GAB2: variants seen among roughly 807,000 people sequenced by gnomAD.
GAB2 encodes the protein GRB2-associated-binding protein 2.
GAB2 carries 26 observed loss-of-function variants against 65.5 expected under a neutral mutation model. That is an observed-to-expected ratio of 0.40 (90% confidence interval 0.29 to 0.55). The LOEUF is 0.55. GAB2 is among the 20% of genes least tolerant of loss of function. The pLI is 0.53. For synonymous variants in GAB2, 321 were observed against 329.6 expected (o/e 0.97, Z 0.28); for missense variants, 884 against 875.8 (o/e 1.01, Z -0.12).
intron 1 of GAB2, among the ~76,000 whole-genome samples, chr11:78,395,367 T>A (rs1856883745): frequency 6.6e-6 from 1 of 152,286 alleles, no homozygotes; most frequent in Non-Finnish European, 1.5e-5. Flanking sequence ...GGCAGGGGAA[T>A]CACTTGAACC....
chr11:78,321,904 CAATA>C (rs1297290945), intron 1 of GAB2, among the ~76,000 whole-genome samples: 1 of 151,446 alleles, frequency 6.6e-6, no homozygotes, highest in Non-Finnish European at 1.5e-5. Flanking sequence ...TAAGACTCTT[CAATA>C]AATAGTGCTG....
At chr11:78,252,255 C>G (rs575886640) in intron 2 of GAB2, among the ~76,000 whole-genome samples, 1 of 152,252 alleles carries the variant, frequency 6.6e-6, no homozygotes, top group African/African-American at 2.4e-5. Context: ...ACAGAAAAAG[C>G]TGATGGGCCT....
At chr11:78,242,656 T>G (rs771534421) in intron 3 of GAB2, among the ~76,000 whole-genome samples, 2 of 151,304 alleles carry the variant, frequency 1.3e-5, no homozygotes, top group Admixed American at 1.3e-4. Flanking sequence ...AGTAGAAAAT[T>G]TTCAAATAAA....
chr11:78,283,658 A>G (rs1470267113), intron 1 of GAB2, among the ~76,000 whole-genome samples: 1 of 152,098 alleles, frequency 6.6e-6, no homozygotes, highest in East Asian at 1.9e-4. Context: ...CAGTGCTGAT[A>G]AATCAACTCA....
intron 1 of GAB2, among the ~76,000 whole-genome samples, chr11:78,336,617 C>T (rs1856008041): frequency 6.6e-6 from 1 of 151,630 alleles, no homozygotes; most frequent in African/African-American, 2.4e-5. Flanking sequence ...TGGTAAAGTG[C>T]TTTGTTTTAT....
At chr11:78,345,157 A>G (rs763113923) in intron 1 of GAB2, among the ~76,000 whole-genome samples, 1 of 152,140 alleles carries the variant, frequency 6.6e-6, no homozygotes, top group African/African-American at 2.4e-5. Context: ...GCACGCACCT[A>G]TAGTCCCAGC....
intron 1 of GAB2, among the ~76,000 whole-genome samples, chr11:78,397,070 T>G (rs1478771236): frequency 1.3e-5 from 2 of 152,234 alleles, no homozygotes; most frequent in Non-Finnish European, 2.9e-5. Context: ...TTATTAATAT[T>G]ATTTTTGTGA....
At chr11:78,332,119 G>A (rs528834711) in intron 1 of GAB2, among the ~76,000 whole-genome samples, 36 of 152,292 alleles carry the variant, frequency 2.4e-4, no homozygotes, top group Non-Finnish European at 4.6e-4. Context: ...CTCCAAAACT[G>A]CTGACTTGAT....
intron 2 of GAB2, among the ~76,000 whole-genome samples, chr11:78,265,203 C>CATAT (rs10530509): frequency 0.013 from 1,923 of 144,850 alleles, 38 homozygotes; most frequent in African/African-American, 0.043. Context: ...TTCTATACCA[C>CATAT]ATATATATAT....
At chr11:78,348,629 A>T (rs1422654604) in intron 1 of GAB2, among the ~76,000 whole-genome samples, 1 of 152,212 alleles carries the variant, frequency 6.6e-6, no homozygotes, top group Non-Finnish European at 1.5e-5. Flanking sequence ...AATCACATAC[A>T]CTGTTGATAG....
chr11:78,410,314 G>A (rs1025427718), intron 1 of GAB2, among the ~76,000 whole-genome samples: 1 of 152,202 alleles, frequency 6.6e-6, no homozygotes, highest in African/African-American at 2.4e-5. Context: ...GACCAGCCTG[G>A]CCAATATGGT....
At position 78,342,990 on chromosome 11, in the gene GAB2, A is replaced by C. The variant is rs999152483; in HGVS notation, c.76-62089T>G. Among the ~76,000 whole-genome samples the C allele has an allele frequency of 2.0e-5, 3 of 152,158 alleles. No individual in the cohort carries two copies. In the East Asian group the frequency reaches 5.8e-4, roughly 29 times the overall value. Reference sequence around the variant, plus strand: ...ATTCAGAAAAGAGGCCAAATTTTCCACAGAAGCTGAGATACAAGACCCACA... The same window carrying C: ...ATTCAGAAAAGAGGCCAAATTTTCCCCAGAAGCTGAGATACAAGACCCACA... On this transcript the variant is annotated intron_variant, in intron 1 of 9. Transcript: ENST00000361507.
intron 1 of GAB2, among the ~76,000 whole-genome samples, chr11:78,415,334 G>T (rs1373330657): frequency 6.6e-6 from 1 of 152,202 alleles, no homozygotes. Context: ...CAGCTACTTT[G>T]GGGTAAATAT....
At chr11:78,335,306 A>AT (rs1295128142) in intron 1 of GAB2, among the ~76,000 whole-genome samples, 2 of 151,944 alleles carry the variant, frequency 1.3e-5, no homozygotes, top group Non-Finnish European at 2.9e-5. Context: ...ACCACTTGCC[A>AT]TTTTTTTCTA....
intron 2 of GAB2, among the ~76,000 whole-genome samples, chr11:78,254,383 T>C (rs1865538601): frequency 6.6e-6 from 1 of 152,222 alleles, no homozygotes; most frequent in African/African-American, 2.4e-5. Context: ...CAGAGAGGTT[T>C]TAAGGTCTGT....
chr11:78,392,684 C>T (rs1487396611), intron 1 of GAB2, among the ~76,000 whole-genome samples: 1 of 152,206 alleles, frequency 6.6e-6, no homozygotes, highest in Non-Finnish European at 1.5e-5. Context: ...GAGAGACTCA[C>T]TTGAACCTTG....
At position 78,222,087 on chromosome 11, in the gene GAB2, CCA is replaced by C. The variant is rs1565416126; in HGVS notation, c.1658+16_1658+17del. On this transcript the variant is annotated intron_variant, in intron 7 of 9. Coordinates refer to ENST00000361507, the MANE Select transcript of GAB2 (RefSeq NM_080491.3). ...ATGGCCCGACTCCAAGCTCCCACCC[CCA>C]CACATACGCACTTACTTGGCCCTAG... 6 of 1,546,804 alleles carry C rather than the reference CCA, an allele frequency of 3.9e-6. No homozygotes were observed. The highest frequency in any genetic ancestry group is 5.4e-6 in the Non-Finnish European group (6 of 1,118,668).
intron 1 of GAB2, among the ~76,000 whole-genome samples, chr11:78,344,741 G>A (rs1266516697): frequency 6.6e-6 from 1 of 152,126 alleles, no homozygotes; most frequent in Non-Finnish European, 1.5e-5. Context: ...CTTACTTGTT[G>A]GACAGTCAAA....
At chr11:78,402,329 T>C (rs1242299626) in intron 1 of GAB2, among the ~76,000 whole-genome samples, 8 of 151,844 alleles carry the variant, frequency 5.3e-5, no homozygotes, top group African/African-American at 1.9e-4. Flanking sequence ...CTTTGCTTTT[T>C]TTTCTTTGCA....
Sources: allele counts gnomAD v4.1 joint callset (sites outside exome capture counted in the v4.1 genomes callset), GRCh38; gene constraint gnomAD v4.1.1; transcripts MANE v1.5; gene names NCBI Gene and HGNC (gene_info 2026-07-23, HGNC 2026-07-21).